Variants in ADGRG5 observed in about 807,000 individuals in gnomAD.
ADGRG5 encodes adhesion G protein-coupled receptor G5.
In ADGRG5, 37 loss-of-function variants were observed where a neutral mutation model predicts 53.2. The observed-to-expected ratio is 0.70, with a 90% CI of 0.53 to 0.91. The LOEUF (loss-of-function observed/expected upper bound fraction) is 0.91. ADGRG5 is among the 40% of genes least tolerant of loss of function. The probability of loss-of-function intolerance (pLI) is 0.00; values close to 1 mark genes in which losing one functional copy is unlikely to be tolerated. For synonymous variants in ADGRG5, 277 were observed against 290.4 expected (o/e 0.95, Z 0.47); for missense variants, 614 against 675.8 (o/e 0.91, Z 1.01).
rs559024076 is a variant in ADGRG5, at chr16:57,559,191, A to C, written c.-38-2865A>C. Among the ~76,000 whole-genome samples the C allele has an allele frequency of 1.9e-4, 29 of 152,216 alleles. No individual in the cohort carries two copies. In the East Asian group the frequency reaches 4.3e-3, roughly 22 times the overall value. ...AGTGTCACTGCAACATTGTGGTGGG[A>C]GGGTCTTCTACTCCTGCAGCAGCAG... On this transcript the variant is annotated intron_variant, in intron 1 of 11. Transcript: ENST00000349457.
At chr16:57,555,551 T>C (rs1258364727) in intron 1 of ADGRG5, among the ~76,000 whole-genome samples, 2 of 152,250 alleles carry the variant, frequency 1.3e-5, no homozygotes, top group African/African-American at 2.4e-5. Flanking sequence ...GAGACAAATA[T>C]TGCATTTTGC....
intron 1 of ADGRG5, among the ~76,000 whole-genome samples, chr16:57,554,538 G>A (rs973177974): frequency 6.6e-6 from 1 of 151,846 alleles, no homozygotes; most frequent in Non-Finnish European, 1.5e-5. Flanking sequence ...CACCATGCCC[G>A]GCTAACTTTT....
At chr16:57,539,858 AAGTC>A (rs1381816835), upstream of ADGRG5, among the ~76,000 whole-genome samples, 1 of 152,134 alleles carries the variant, frequency 6.6e-6, no homozygotes, top group Non-Finnish European at 1.5e-5. Flanking sequence ...AAACATTTAA[AAGTC>A]AGACGTCCTG....
At position 57,567,878 on chromosome 16, in the gene ADGRG5, C is replaced by G. The variant is rs116445849; in HGVS notation, c.844C>G (p.Arg282Gly). 1.2e-6 allele frequency: 2 copies of G among 1,611,576 alleles called. No homozygotes were observed. Among genetic ancestry groups the G allele is most frequent in the Non-Finnish European group, 1.7e-6 (2 of 1,179,748 alleles). Residue 282 changes from arginine to glycine, a missense_variant, in exon 9 of 12, where the codon CGC (arginine) becomes GGC (glycine). Arg to Gly is a moderately radical substitution (Grantham distance 125). Transcript: ENST00000349457. The stretch of plus-strand genomic sequence containing the variant: ...CAGGAAGCAGAGTGACTCCTTAACA[C>G]GCATCCACATGAACCTGCATGCCTC... Reference protein sequence around the residue: ...HFRKQSDSLTRIHMNLHASVL... With the variant: ...HFRKQSDSLTGIHMNLHASVL...
At chr16:57,540,263 A>G (rs1312942037), upstream of ADGRG5, among the ~76,000 whole-genome samples, 3 of 152,074 alleles carry the variant, frequency 2.0e-5, no homozygotes, top group African/African-American at 7.3e-5. Context: ...CAAACAAACA[A>G]AAAACAAAAG....
chr16:57,545,837 A>AT (rs2032604372), intron 1 of ADGRG5, among the ~76,000 whole-genome samples: 1 of 151,902 alleles, frequency 6.6e-6, no homozygotes, highest in African/African-American at 2.4e-5. Flanking sequence ...ATTTATTTTT[A>AT]TTTTTTGAGA....
At chr16:57,570,721 A>G (rs1253050989) in intron 10 of ADGRG5, among the ~76,000 whole-genome samples, 186 bp downstream of exon 10, 1 of 152,268 alleles carries the variant, frequency 6.6e-6, no homozygotes, top group Admixed American at 6.5e-5. Flanking sequence ...GGTCTCCTGC[A>G]GAGGCAGCCT....
At chr16:57,547,807 A>C (rs1340407820) in intron 1 of ADGRG5, among the ~76,000 whole-genome samples, 2 of 151,454 alleles carry the variant, frequency 1.3e-5, no homozygotes, top group African/African-American at 4.9e-5. Flanking sequence ...TGGAGTGCAG[A>C]GGTGCCATCA....
rs10802 is a variant in ADGRG5, at chr16:57,576,884, A to G, written c.*1346A>G. ...TTTGATGACCTCGAAGGTCACAGGC[A>G]GAAAATAGGAGCAGGATTTCCCCTG... is the stretch of plus-strand genomic sequence containing the variant. On this transcript the variant is annotated 3_prime_UTR_variant, in exon 12 of 12. Coordinates refer to ENST00000349457, the MANE Select transcript of ADGRG5 (RefSeq NM_001304376.3). 0.25 allele frequency: 38,600 copies of G among 152,204 alleles called. 5,145 individuals are homozygous for G. The highest frequency in any genetic ancestry group is 0.38 in the East Asian group (1,940 of 5,160). 9.4% of individuals were successfully genotyped at this position (152,204 alleles called of 1,614,324 possible).
chr16:57,567,984 T>C lies in ADGRG5; in HGVS notation c.950T>C (p.Leu317Pro). The change falls in exon 9 of 12, where the codon CTG (leucine) becomes CCG (proline). Residue 317 changes from leucine to proline, a missense_variant. Physicochemically the swap from Leu to Pro is moderately conservative, Grantham distance 98. Transcript: ENST00000349457. Reference sequence around the variant, plus strand: ...GTGCCCGGGTCAGCATGCACGGCTCTGGCCGCTGCCCTGCACTACGCGCTG... The same window carrying C: ...GTGCCCGGGTCAGCATGCACGGCTCCGGCCGCTGCCCTGCACTACGCGCTG... ...SPVPGSACTA[L>P]AAALHYALLS... 1 of 1,614,062 alleles carries C rather than the reference T, an allele frequency of 6.2e-7. No homozygotes were observed. The highest frequency in any genetic ancestry group is 2.2e-5 in the East Asian group (1 of 44,876).
chr16:57,560,108 C>T (rs533046967), intron 1 of ADGRG5, among the ~76,000 whole-genome samples: 92 of 152,244 alleles, frequency 6.0e-4, no homozygotes, highest in African/African-American at 2.1e-3. Flanking sequence ...TTCTTGAAGA[C>T]CTCCCTCCCA....
At chr16:57,566,461 C>T in intron 6 of ADGRG5, 138 bp from the exon 7 acceptor site, 1 of 721,502 alleles carries the variant, frequency 1.4e-6, no homozygotes. Flanking sequence ...CTGAGACTGT[C>T]TGAAGCCAAA....
At chr16:57,564,042 G>A in intron 5 of ADGRG5, 63 bp downstream of exon 5, 11 of 1,559,836 alleles carry the variant, frequency 7.1e-6, no homozygotes, top group South Asian at 1.2e-5. Flanking sequence ...CACTGCAGGT[G>A]CCCATGTCAC....
chr16:57,561,988 C>T (rs1303626950), intron 1 of ADGRG5, 68 bp from the exon 2 acceptor site: 5 of 802,444 alleles, frequency 6.2e-6, no homozygotes, highest in Admixed American at 5.7e-5. Flanking sequence ...ACTCTTGGGA[C>T]ATGCCAGACA....
At chr16:57,563,360 A>T (rs2033051422) in intron 4 of ADGRG5, 113 bp downstream of exon 4, 5 of 913,598 alleles carry the variant, frequency 5.5e-6, no homozygotes, top group Non-Finnish European at 8.6e-6. Flanking sequence ...CACACCCCAC[A>T]GTCCAGGCTC....
chr16:57,562,327 G>A (rs545564415), intron 2 of ADGRG5, 57 bp from the exon 3 acceptor site: 18 of 1,506,946 alleles, frequency 1.2e-5, no homozygotes, highest in East Asian at 4.6e-5. Flanking sequence ...AAGCCCAGAG[G>A]TTGTGGGGCC....
At chr16:57,570,376 A>G in intron 9 of ADGRG5, 42 bp from the exon 10 acceptor site, 1 of 1,357,496 alleles carries the variant, frequency 7.4e-7, no homozygotes, top group East Asian at 2.3e-5. Context: ...ACCGAGGGTC[A>G]GCCCTCTCCC....
upstream of ADGRG5, among the ~76,000 whole-genome samples, chr16:57,540,860 G>T (rs990607444): frequency 6.6e-6 from 1 of 152,070 alleles, no homozygotes; most frequent in Non-Finnish European, 1.5e-5. Flanking sequence ...GTGCGATCTC[G>T]GCTCACTGCA....
At chr16:57,529,765 C>T in the ADGRG5 span, among the ~76,000 whole-genome samples, 1 of 152,178 alleles carries the variant, frequency 6.6e-6, no homozygotes, top group Admixed American at 6.5e-5. This position sits in a 1 kb window ranked among gnomAD's most constrained non-coding sequence, Gnocchi z 4.1. Context: ...GCACTTCAGG[C>T]CAGGTCCATC....
Sources: allele counts gnomAD v4.1 joint callset (sites outside exome capture counted in the v4.1 genomes callset), GRCh38; gene constraint gnomAD v4.1.1; non-coding constraint Gnocchi (gnomAD v3.1); transcripts MANE v1.5; gene names NCBI Gene and HGNC (gene_info 2026-07-23, HGNC 2026-07-21).